The following SLC24A1 variants were observed in gnomAD, a reference collection of about 807,000 sequenced individuals.
The protein encoded by SLC24A1 is solute carrier family 24 member 1, also known as sodium/potassium/calcium exchanger 1.
Under a neutral mutation model 88.1 loss-of-function variants are expected in SLC24A1, and 52 were observed. The observed-to-expected ratio is 0.59, with a 90% confidence interval of 0.47 to 0.74. SLC24A1 has a LOEUF of 0.74. Among genes scored for constraint, SLC24A1 ranks in the 30% least tolerant of loss-of-function variants. The probability of loss-of-function intolerance (pLI) is 0.00; values close to 1 mark genes in which losing one functional copy is unlikely to be tolerated. For synonymous variants in SLC24A1, 455 were observed against 498.0 expected (o/e 0.91, Z 1.15); for missense variants, 1,173 against 1,363.3 (o/e 0.86, Z 2.20).
At position 65,625,988 on chromosome 15, in the gene SLC24A1, C is replaced by T. The variant is rs767726062; in HGVS notation, c.1890+18C>T. 12 of 1,576,798 alleles carry T rather than the reference C, an allele frequency of 7.6e-6. No homozygotes were observed. Among genetic ancestry groups the T allele is most frequent in the Admixed American group, 1.7e-5 (1 of 59,958 alleles). ...TCAGCAAGGTAAGGACAAATTGGCT[C>T]AGGTTTCTCTAGCCCCTTTGAGATG... On this transcript the variant is annotated intron_variant, in intron 2 of 9. Coordinates refer to ENST00000261892, the MANE Select transcript of SLC24A1 (RefSeq NM_004727.3).
At chr15:65,651,910 A>G (rs1161534716) in intron 8 of SLC24A1, 151 bp downstream of exon 8, 1 of 664,530 alleles carries the variant, frequency 1.5e-6, no homozygotes, top group Non-Finnish European at 2.8e-6. Flanking sequence ...TAGACTTTTT[A>G]TTCCAGTGAA....
chr15:65,628,862 T>C (rs1055673786), intron 2 of SLC24A1, among the ~76,000 whole-genome samples: 2 of 152,224 alleles, frequency 1.3e-5, no homozygotes, highest in Admixed American at 6.5e-5. Flanking sequence ...AAGTGAACCC[T>C]GTGCAAAGTG....
intron 2 of SLC24A1, among the ~76,000 whole-genome samples, chr15:65,615,718 A>G (rs1018650501): frequency 4.6e-5 from 7 of 152,164 alleles, no homozygotes; most frequent in African/African-American, 1.7e-4. Flanking sequence ...ATAAAAATTC[A>G]AAGTTAATTT....
At chr15:65,660,017 T>G (rs1354686646), downstream of SLC24A1, 1 of 375,196 alleles carries the variant, frequency 2.7e-6, no homozygotes, top group African/African-American at 2.1e-5. Flanking sequence ...GACGGTTCTC[T>G]TGGAGGGATG....
At chr15:65,651,108 A>G (rs896006949) in intron 7 of SLC24A1, among the ~76,000 whole-genome samples, 166 bp downstream of exon 7, 2 of 152,100 alleles carry the variant, frequency 1.3e-5, no homozygotes, top group Non-Finnish European at 2.9e-5. Context: ...GAGGGGGACT[A>G]TGTGCTTAGG....
At chr15:65,620,991 G>A (rs1004649230), upstream of SLC24A1, among the ~76,000 whole-genome samples, 90 of 152,328 alleles carry the variant, frequency 5.9e-4, no homozygotes, top group African/African-American at 2.1e-3. Flanking sequence ...ACTCAGAGAT[G>A]AAGCCAGCTC....
At chr15:65,614,543 G>A (rs1762508257) in intron 2 of SLC24A1, among the ~76,000 whole-genome samples, 3 of 152,098 alleles carry the variant, frequency 2.0e-5, no homozygotes, top group Admixed American at 2.0e-4. Flanking sequence ...CTTTTCCTTC[G>A]AAATGTATTT....
chr15:65,625,989 A>C lies in SLC24A1; in HGVS notation c.1890+19A>C. Reference sequence around the variant, plus strand: ...CAGCAAGGTAAGGACAAATTGGCTCAGGTTTCTCTAGCCCCTTTGAGATGA... The same window carrying C: ...CAGCAAGGTAAGGACAAATTGGCTCCGGTTTCTCTAGCCCCTTTGAGATGA... On this transcript the variant is annotated intron_variant, in intron 2 of 9. Coordinates refer to ENST00000261892, the MANE Select transcript of SLC24A1 (RefSeq NM_004727.3). 1 of 1,561,852 alleles carries C rather than the reference A, an allele frequency of 6.4e-7. No individual in the cohort carries two copies. Among genetic ancestry groups the C allele is most frequent in the Non-Finnish European group, 8.8e-7 (1 of 1,132,822 alleles).
At chr15:65,614,629 C>T (rs959729771) in intron 2 of SLC24A1, among the ~76,000 whole-genome samples, 2 of 152,144 alleles carry the variant, frequency 1.3e-5, no homozygotes, top group African/African-American at 2.4e-5. Flanking sequence ...TTGAGAAAAC[C>T]GCAAAGCTGC....
At position 65,651,692 on chromosome 15, in the gene SLC24A1, TC is replaced by T. The variant is rs757211186; in HGVS notation, c.2817del (p.Phe939LeufsTer10). 2.2e-5 allele frequency: 35 copies of T among 1,607,332 alleles called. No homozygotes were observed. Among genetic ancestry groups the T allele is most frequent in the Non-Finnish European group, 3.0e-5 (35 of 1,174,134 alleles). ...CAGGAGTCTAGGAAGTTTTTTGTTTTCACCTTCCTGGGATCTATCATGTGGA... is the reference window on the plus strand; with the variant it reads ...CAGGAGTCTAGGAAGTTTTTTGTTTTACCTTCCTGGGATCTATCATGTGGA... ...RRQESRKFFV[F>X]TFLGSIMWIA... On this transcript the variant is annotated frameshift_variant, in exon 8 of 10. Transcript: ENST00000261892. LOFTEE classifies it high-confidence loss of function.
rs1400851577 is a variant in SLC24A1 at position 65,625,047 on chromosome 15, G to T, written c.967G>T (p.Val323Leu). The T allele has an allele frequency of 1.2e-6, 2 of 1,613,594 alleles. No homozygotes were observed. Among genetic ancestry groups the T allele is most frequent in the African/African-American group, 1.3e-5 (1 of 74,896 alleles). The change falls in exon 2 of 10, where the codon GTG becomes TTG. Residue 323 changes from valine to leucine, a missense_variant. Coordinates refer to ENST00000261892, the MANE Select transcript of SLC24A1 (RefSeq NM_004727.3). The part of the protein sequence containing the change: ...LHTPATSEGQ[V>L]TISTMTGSSP... ...TACCCCAGCCACCTCTGAGGGGCAG[G>T]TGACAATAAGCACCATGACAGGCAG...
intron 3 of SLC24A1, 82 bp downstream of exon 3, chr15:65,638,263 G>A: frequency 2.0e-6 from 2 of 1,011,326 alleles, no homozygotes; most frequent in South Asian, 1.4e-5. Context: ...TTGTGGCCCT[G>A]TGCTGGGGAC....
Position 65,650,372 on chromosome 15 carries a change from T to C in SLC24A1, c.2233-10T>C. On this transcript the variant is annotated splice_polypyrimidine_tract_variant and intron_variant, in intron 6 of 9. Transcript: ENST00000261892. The surrounding 1 kb of genome is among the most constrained non-coding windows in gnomAD (Gnocchi z 4.1). Reference sequence around the variant, plus strand: ...TTACCACACATTAATCTGTTGGTTTTGGATTGCAGGAAGATGTGGCTGAGG... The same window carrying C: ...TTACCACACATTAATCTGTTGGTTTCGGATTGCAGGAAGATGTGGCTGAGG... 1 of 1,548,210 alleles carries C rather than the reference T, an allele frequency of 6.5e-7. No homozygotes were observed. The highest frequency in any genetic ancestry group is 8.7e-7 in the Non-Finnish European group (1 of 1,144,480).
chr15:65,635,405 G>A lies in SLC24A1; in HGVS notation c.1891-2723G>A, dbSNP rs140962330. Reference sequence around the variant, plus strand: ...TGAGGCAGGAGAATCGCTTGAACCCGGGAGGCACTCCAGCCTGGCAACAGA... The same window carrying A: ...TGAGGCAGGAGAATCGCTTGAACCCAGGAGGCACTCCAGCCTGGCAACAGA... On this transcript the variant is annotated intron_variant, in intron 2 of 9. Coordinates refer to ENST00000261892, the MANE Select transcript of SLC24A1 (RefSeq NM_004727.3). 3.5e-3 allele frequency among the ~76,000 whole-genome samples: 510 copies of A among 145,318 alleles called. 5 individuals are homozygous for A. Among genetic ancestry groups the A allele is most frequent in the African/African-American group, 0.012 (473 of 38,450 alleles).
In SLC24A1 at chr15:65,654,859, A is replaced by G; in HGVS notation, c.*780A>G. ...GTGATCTGCCCGCCTCGGCCTCCCA[A>G]AGTGCTGGGATTACAGGCGTCAGCC... On this transcript the variant is annotated 3_prime_UTR_variant, in exon 10 of 10. Transcript: ENST00000261892. The G allele has an allele frequency of 8.9e-7, 1 of 1,128,046 alleles. No individual in the cohort carries two copies. Among genetic ancestry groups the G allele is most frequent in the Non-Finnish European group, 1.1e-6 (1 of 884,860 alleles). The allele number at this position is 1,128,046 out of a possible 1,614,324, so 69.9% of individuals were successfully genotyped here.
At chr15:65,644,269 T>G in intron 4 of SLC24A1, 158 bp from the exon 5 acceptor site, 1 of 668,734 alleles carries the variant, frequency 1.5e-6, no homozygotes, top group African/African-American at 1.8e-5. Context: ...CAACTAGGCC[T>G]CGTAGGATCA....
At chr15:65,652,439 T>C in intron 8 of SLC24A1, 1 of 520,150 alleles carries the variant, frequency 1.9e-6, no homozygotes, top group Non-Finnish European at 3.4e-6. Flanking sequence ...ACATGGTCCC[T>C]GTGGCCAGGA....
Position 65,639,698 on chromosome 15 carries a change from G to T in SLC24A1, c.2048G>T (p.Arg683Met). ...QLMLHSLDPLREVRLAKEKEE... is the reference protein window; with the variant it reads ...QLMLHSLDPLMEVRLAKEKEE... ...ATGCTCCACAGCCTGGACCCCCTGA[G>T]GGAAGGTAAGCAAGGCCTCTCCAGA... is the stretch of plus-strand genomic sequence containing the variant. The change falls in exon 4 of 10, where the codon AGG (arginine) becomes ATG (methionine). Residue 683 changes from arginine (R) to methionine (M), a missense_variant. Transcript: ENST00000261892. The T allele has an allele frequency of 6.2e-7, 1 of 1,607,578 alleles. No individual in the cohort carries two copies. Among genetic ancestry groups the T allele is most frequent in the Non-Finnish European group, 8.5e-7 (1 of 1,176,178 alleles).
chr15:65,637,351 T>C (rs1368602730), intron 2 of SLC24A1, among the ~76,000 whole-genome samples: 1 of 118,390 alleles, frequency 8.4e-6, no homozygotes, highest in Non-Finnish European at 1.6e-5. Flanking sequence ...GGTATTGTAA[T>C]GAGCTGAAGG....
Sources: gnomAD v4.1 joint callset for allele counts (sites outside exome capture counted in the v4.1 genomes callset) on GRCh38, gnomAD v4.1.1 for gene constraint, Gnocchi (gnomAD v3.1) non-coding constraint, MANE v1.5 for transcripts, NCBI Gene and HGNC (gene_info 2026-07-23, HGNC 2026-07-21) for gene names.